SLC4A10: variants seen among roughly 807,000 people sequenced by gnomAD.
The protein encoded by SLC4A10 is sodium-driven chloride bicarbonate exchanger.
A neutral mutation model predicts 137.7 loss-of-function variants in SLC4A10; 42 were observed. The observed-to-expected ratio is 0.30, with a 90% CI of 0.24 to 0.39. The LOEUF (loss-of-function observed/expected upper bound fraction) is 0.39, where lower values mean the gene tolerates loss of function less well. SLC4A10 is among the 10% of genes least tolerant of loss of function. SLC4A10 has a pLI of 1.00. For synonymous variants in SLC4A10, 474 were observed against 464.1 expected (o/e 1.02, Z -0.27); for missense variants, 925 against 1,355.0 (o/e 0.68, Z 4.98).
chr2:161,706,746 C>T (rs1217454242), intron 1 of SLC4A10, among the ~76,000 whole-genome samples: 3 of 151,580 alleles, frequency 2.0e-5, no homozygotes, highest in Non-Finnish European at 3.0e-5. Context: ...ACTTTATGGT[C>T]TAACCTATGT....
At chr2:161,789,710 G>C (rs1424344934) in intron 2 of SLC4A10, among the ~76,000 whole-genome samples, 3 of 152,098 alleles carry the variant, frequency 2.0e-5, no homozygotes, top group Non-Finnish European at 2.9e-5. Flanking sequence ...ATTGCGAATA[G>C]AATTAGAAAG....
At chr2:161,767,139 ATGTGTGTGTGTGTG>A (rs1245094195) in intron 1 of SLC4A10, among the ~76,000 whole-genome samples, 26 of 57,100 alleles carry the variant, frequency 4.6e-4, no homozygotes, top group African/African-American at 1.4e-3. Flanking sequence ...ATATATATAT[ATGTGTGTGTGTGTG>A]TGTGTGTGTG....
chr2:161,828,553 A>G lies in SLC4A10; in HGVS notation c.278-11236A>G, dbSNP rs2058181828. ...TGCTTATTTTTATTTGTATATATAA[A>G]TATATACATATTATTTACCATATAT... On this transcript the variant is annotated intron_variant, in intron 3 of 26. Transcript: ENST00000446997. Among the ~76,000 whole-genome samples the G allele has an allele frequency of 3.4e-5, 5 of 147,676 alleles. No individual in the cohort carries two copies. The Middle Eastern group carries it at 0.011, about 319-fold the overall frequency.
At chr2:161,968,960 C>G (rs1698063530) in intron 23 of SLC4A10, among the ~76,000 whole-genome samples, 1 of 152,150 alleles carries the variant, frequency 6.6e-6, no homozygotes, top group Non-Finnish European at 1.5e-5. Flanking sequence ...TACTAAGGCC[C>G]AGTCTTCTAA....
At chr2:161,952,248 C>T (rs1216623607) in intron 19 of SLC4A10, among the ~76,000 whole-genome samples, 2 of 151,596 alleles carry the variant, frequency 1.3e-5, no homozygotes, top group Admixed American at 6.6e-5. Context: ...ACCTTCCTGG[C>T]CATTCTGAAT....
At chr2:161,705,245 A>G (rs991541752) in intron 1 of SLC4A10, among the ~76,000 whole-genome samples, 8 of 151,616 alleles carry the variant, frequency 5.3e-5, no homozygotes, top group Admixed American at 3.3e-4. Context: ...AAAACTAGGA[A>G]ACAGGAATTA....
At chr2:161,629,790 G>A (rs947173389) in intron 1 of SLC4A10, among the ~76,000 whole-genome samples, 2 of 151,658 alleles carry the variant, frequency 1.3e-5, no homozygotes, top group Non-Finnish European at 2.9e-5. Flanking sequence ...TATATAGTTG[G>A]AATCACAGTA....
At chr2:161,983,042 C>G (rs983284222) in intron 26 of SLC4A10, 137 bp from the exon 27 acceptor site, 5 of 673,220 alleles carry the variant, frequency 7.4e-6, no homozygotes, top group Non-Finnish European at 1.2e-5. Context: ...TCTATCTGTG[C>G]TTCGCAGCAT....
chr2:161,751,668 C>T (rs1013313154), intron 1 of SLC4A10, among the ~76,000 whole-genome samples: 5 of 151,694 alleles, frequency 3.3e-5, no homozygotes, highest in Non-Finnish European at 5.9e-5. Context: ...GCATCACCAT[C>T]CTCCTTTTTT....
In SLC4A10 at chr2:161,950,859, A is replaced by G. The variant is rs1272478205; in HGVS notation, c.2541+11A>G. ...GAGCATAAGCTAAAGGTATATTTTA[A>G]CATCCATTTTAATGTAAATAATTAT... is the stretch of plus-strand genomic sequence containing the variant. On this transcript the variant is annotated intron_variant, in intron 19 of 26. Transcript: ENST00000446997. The G allele has an allele frequency of 1.3e-6, 2 of 1,573,846 alleles. No individual in the cohort carries two copies. Among genetic ancestry groups the G allele is most frequent in the African/African-American group, 1.4e-5 (1 of 73,830 alleles).
At chr2:161,914,514 C>T (rs1023739617) in intron 15 of SLC4A10, among the ~76,000 whole-genome samples, 1 of 152,156 alleles carries the variant, frequency 6.6e-6, no homozygotes. Context: ...TAATATATCA[C>T]TTCTCTCTTC....
chr2:161,699,351 C>T (rs1371744690), intron 1 of SLC4A10, among the ~76,000 whole-genome samples: 2 of 151,998 alleles, frequency 1.3e-5, no homozygotes, highest in Non-Finnish European at 2.9e-5. Context: ...GTTTGAGTCA[C>T]CTTTGAAATT....
chr2:161,758,644 A>C (rs1472061545), intron 1 of SLC4A10, among the ~76,000 whole-genome samples: 1 of 152,020 alleles, frequency 6.6e-6, no homozygotes, highest in Non-Finnish European at 1.5e-5. Flanking sequence ...AGAAGGCTGA[A>C]CACTGTGTAG....
rs74805845 is a variant in SLC4A10, at chr2:161,682,798, T to C, written c.48+58232T>C. ...TCCCCCTCTGCCTGGTCTCTCCACATGGTGTCTCCTGTAGGGTGGACAGAT... is the reference window on the plus strand; with the variant it reads ...TCCCCCTCTGCCTGGTCTCTCCACACGGTGTCTCCTGTAGGGTGGACAGAT... On this transcript the variant is annotated intron_variant, in intron 1 of 26. Coordinates refer to ENST00000446997, the MANE Select transcript of SLC4A10 (RefSeq NM_001178015.2). Among the ~76,000 whole-genome samples, 212 of 152,166 alleles carry C rather than the reference T, an allele frequency of 1.4e-3. 5 individuals are homozygous for C. The East Asian group carries it at 0.04, about 29-fold the overall frequency.
chr2:161,861,572 C>G (rs1359266993), intron 5 of SLC4A10, among the ~76,000 whole-genome samples: 1 of 152,080 alleles, frequency 6.6e-6, no homozygotes, highest in Non-Finnish European at 1.5e-5. Flanking sequence ...AGCTTTGTCT[C>G]TACTTGATAA....
chr2:161,945,228 ATATATAT>A (rs1693568769), intron 16 of SLC4A10, among the ~76,000 whole-genome samples: 1 of 107,524 alleles, frequency 9.3e-6, no homozygotes, highest in African/African-American at 3.8e-5. Flanking sequence ...ATATATATAT[ATATATAT>A]TTGTCAGTAT....
chr2:161,732,143 G>GT (rs2046882932), intron 1 of SLC4A10, among the ~76,000 whole-genome samples: 1 of 152,120 alleles, frequency 6.6e-6, no homozygotes, highest in African/African-American at 2.4e-5. Context: ...GTTTTTTGGA[G>GT]TTTTTATGGG....
chr2:161,664,957 A>T (rs2038877880), intron 1 of SLC4A10, among the ~76,000 whole-genome samples: 1 of 151,820 alleles, frequency 6.6e-6, no homozygotes, highest in Non-Finnish European at 1.5e-5. Flanking sequence ...TTTTCATTTC[A>T]CTTTAATGAA....
chr2:161,964,257 C>G lies in SLC4A10; in HGVS notation c.2985C>G (p.Gly995=), dbSNP rs1697208089. The G allele has an allele frequency of 6.2e-7, 1 of 1,613,428 alleles. No homozygotes were observed. Among genetic ancestry groups the G allele is most frequent in the South Asian group, 1.1e-5 (1 of 91,034 alleles). Residue 995 remains glycine, a synonymous_variant, in exon 22 of 27, where the codon GGC becomes GGG. Transcript: ENST00000446997. ...LFTIIQMSCL[G]LLWIIKVSRA... ...CAATTATTCAGATGAGTTGCCTTGG[C>G]CTTTTGTGGATAATAAAAGTTTCAA...
Sources: gnomAD v4.1 joint callset for allele counts (sites outside exome capture counted in the v4.1 genomes callset) on GRCh38, gnomAD v4.1.1 for gene constraint, MANE v1.5 for transcripts, NCBI Gene and HGNC (gene_info 2026-07-23, HGNC 2026-07-21) for gene names.